Variants in MMP16 observed in about 807,000 individuals in gnomAD.
MMP16 encodes the protein matrix metalloproteinase-16.
In MMP16, 12 loss-of-function variants were observed where a neutral mutation model predicts 67.8. That is an observed-to-expected ratio of 0.18 (90% CI 0.11 to 0.29). The LOEUF (loss-of-function observed/expected upper bound fraction) is 0.29, where lower values mean the gene tolerates loss of function less well. MMP16 is among the 10% of genes least tolerant of loss of function. The probability of loss-of-function intolerance (pLI) is 1.00; values close to 1 mark genes in which losing one functional copy is unlikely to be tolerated. For synonymous variants in MMP16, 249 were observed against 255.9 expected, an observed-to-expected ratio of 0.97 and a Z score of 0.26; for missense variants, 475 against 765.7, an observed-to-expected ratio of 0.62 and a Z score of 4.48.
intron 6 of MMP16, among the ~76,000 whole-genome samples, chr8:88,087,678 T>G (rs1300856990): frequency 2.0e-5 from 3 of 151,646 alleles, no homozygotes; most frequent in African/African-American, 7.3e-5. Flanking sequence ...GTGCAGTGGC[T>G]CACTCCTGTA....
chr8:88,194,766 C>A (rs562445507), intron 2 of MMP16, among the ~76,000 whole-genome samples: 1 of 152,042 alleles, frequency 6.6e-6, no homozygotes, highest in East Asian at 1.9e-4. Context: ...GTGTAATACT[C>A]TGAAGAGAAA....
intron 1 of MMP16, among the ~76,000 whole-genome samples, chr8:88,213,334 A>G (rs771597184): frequency 2.0e-5 from 3 of 152,214 alleles, no homozygotes; most frequent in Non-Finnish European, 4.4e-5. Flanking sequence ...GAGACGTTTG[A>G]GAATGAGAAA....
At chr8:88,280,609 A>T (rs1380127114) in intron 1 of MMP16, among the ~76,000 whole-genome samples, 1 of 152,192 alleles carries the variant, frequency 6.6e-6, no homozygotes, top group African/African-American at 2.4e-5. Context: ...TTTTTAAAAA[A>T]TATCTGCCCA....
At chr8:88,209,840 C>T (rs1330771925) in intron 1 of MMP16, among the ~76,000 whole-genome samples, 1 of 152,124 alleles carries the variant, frequency 6.6e-6, no homozygotes, top group Non-Finnish European at 1.5e-5. Flanking sequence ...ATATACCACA[C>T]TTTGTTTATC....
At chr8:88,206,680 G>A (rs992253291) in intron 1 of MMP16, among the ~76,000 whole-genome samples, 1 of 152,156 alleles carries the variant, frequency 6.6e-6, no homozygotes, top group Non-Finnish European at 1.5e-5. Flanking sequence ...TTATTTCAGT[G>A]TTTAATATCA....
chr8:88,074,787 C>A, intron 6 of MMP16, 44 bp from the exon 7 acceptor site: 1 of 1,588,892 alleles, frequency 6.3e-7, no homozygotes, highest in South Asian at 1.1e-5. Context: ...ACGTAGGCCT[C>A]CCTGGCATTT....
At chr8:88,186,920 A>T (rs1809084515) in intron 2 of MMP16, among the ~76,000 whole-genome samples, 1 of 152,208 alleles carries the variant, frequency 6.6e-6, no homozygotes, top group African/African-American at 2.4e-5. Flanking sequence ...TTAACAAGGT[A>T]TATAATCTTG....
chr8:88,240,699 TGTTCCA>T (rs1170216423), intron 1 of MMP16, among the ~76,000 whole-genome samples: 6 of 152,144 alleles, frequency 3.9e-5, no homozygotes, highest in Non-Finnish European at 8.8e-5. Context: ...ATCTGGAAAT[TGTTCCA>T]GTTCATCTGT....
chr8:88,175,005 T>C (rs7013966), intron 3 of MMP16, among the ~76,000 whole-genome samples: 84,485 of 151,882 alleles, frequency 0.56, 23,714 homozygotes, highest in Admixed American at 0.59. Context: ...ATGTCCACCT[T>C]GGTCTCCCAA....
At chr8:88,222,166 A>T (rs1023633828) in intron 1 of MMP16, among the ~76,000 whole-genome samples, 1 of 152,024 alleles carries the variant, frequency 6.6e-6, no homozygotes, top group Non-Finnish European at 1.5e-5. Context: ...AAGTGTGTAG[A>T]TGACATGGAA....
chr8:88,059,711 A>C lies in MMP16; in HGVS notation c.1223-3433T>G, dbSNP rs529802778. Among the ~76,000 whole-genome samples the C allele has an allele frequency of 2.6e-5, 4 of 152,154 alleles. No homozygotes were observed. The East Asian group carries it at 7.7e-4, about 29-fold the overall frequency. ...TTCTAAAGGTAATACTATCACTGTAAGACTAGAGCCAGTCAAAATGCTGTG... is the reference window on the plus strand; with the variant it reads ...TTCTAAAGGTAATACTATCACTGTACGACTAGAGCCAGTCAAAATGCTGTG... On this transcript the variant is annotated intron_variant, in intron 7 of 9. Transcript: ENST00000286614.
At chr8:88,228,803 G>A (rs1218668976) in intron 1 of MMP16, among the ~76,000 whole-genome samples, 1 of 151,924 alleles carries the variant, frequency 6.6e-6, no homozygotes, top group Non-Finnish European at 1.5e-5. Flanking sequence ...TTCTTACTAG[G>A]CTATTGTGGA....
intron 4 of MMP16, among the ~76,000 whole-genome samples, chr8:88,164,010 T>G (rs1025409794): frequency 2.6e-5 from 4 of 152,070 alleles, no homozygotes; most frequent in Non-Finnish European, 4.4e-5. Flanking sequence ...TTAGCTAGAA[T>G]TTTCAAAAGG....
chr8:88,088,649 T>C (rs913786407), intron 6 of MMP16, among the ~76,000 whole-genome samples: 1 of 152,126 alleles, frequency 6.6e-6, no homozygotes, highest in Admixed American at 6.6e-5. Flanking sequence ...TATGCTAATA[T>C]GCTCTTGAAA....
intron 1 of MMP16, among the ~76,000 whole-genome samples, chr8:88,242,516 C>A (rs532824125): frequency 6.6e-6 from 1 of 152,240 alleles, no homozygotes; most frequent in East Asian, 1.9e-4. Context: ...AGAAGTGTGG[C>A]TCAGAAAACT....
chr8:88,190,191 G>A (rs1359574553), intron 2 of MMP16, among the ~76,000 whole-genome samples: 5 of 152,186 alleles, frequency 3.3e-5, no homozygotes, highest in Non-Finnish European at 5.9e-5. Flanking sequence ...TCTGAATGAA[G>A]ATTGGTAAAG....
chr8:88,116,498 G>C lies in MMP16; in HGVS notation c.1083+9C>G. 2 of 1,606,854 alleles carry C rather than the reference G, an allele frequency of 1.2e-6. No individual in the cohort carries two copies. Among genetic ancestry groups the C allele is most frequent in the Non-Finnish European group, 1.7e-6 (2 of 1,174,824 alleles). Reference sequence around the variant, plus strand: ...TACTGTTAAAAAAAAAAAAATCACAGTCTCCTACCTTGAAAACAAACATCT... The same window carrying C: ...TACTGTTAAAAAAAAAAAAATCACACTCTCCTACCTTGAAAACAAACATCT... On this transcript the variant is annotated intron_variant, in intron 6 of 9. Transcript: ENST00000286614.
At chr8:88,054,571 C>T (rs1302315411) in intron 8 of MMP16, among the ~76,000 whole-genome samples, 1 of 152,006 alleles carries the variant, frequency 6.6e-6, no homozygotes, top group Non-Finnish European at 1.5e-5. Context: ...TTTGATAGAT[C>T]TTTTAAATTT....
At chr8:88,114,079 T>G (rs1461588548) in intron 6 of MMP16, among the ~76,000 whole-genome samples, 1 of 151,930 alleles carries the variant, frequency 6.6e-6, no homozygotes, top group Admixed American at 6.6e-5. Flanking sequence ...TGACTTTCAT[T>G]TTTTAAATTT....
Sources: gnomAD v4.1 joint callset for allele counts (sites outside exome capture counted in the v4.1 genomes callset) on GRCh38, gnomAD v4.1.1 for gene constraint, MANE v1.5 for transcripts, NCBI Gene and HGNC (gene_info 2026-07-23, HGNC 2026-07-21) for gene names.